Variants in FAM110B observed in about 807,000 individuals in gnomAD.
FAM110B encodes the protein protein FAM110B.
A neutral mutation model predicts 20.4 loss-of-function variants in FAM110B; 6 were observed. The ratio of observed to expected loss-of-function variants is 0.29; its 90% CI spans 0.16 to 0.58. The LOEUF is 0.58. Ranked by LOEUF, FAM110B falls within the 20% of genes least tolerant of loss-of-function variation. FAM110B has a pLI of 0.90. For synonymous variants in FAM110B, 226 were observed against 214.1 expected, an observed-to-expected ratio of 1.06 and a Z score of -0.49; for missense variants, 434 against 498.2, an observed-to-expected ratio of 0.87 and a Z score of 1.23.
chr8:58,046,166 A>C (rs1805316069), intron 2 of FAM110B, among the ~76,000 whole-genome samples: 1 of 152,250 alleles, frequency 6.6e-6, no homozygotes, highest in Non-Finnish European at 1.5e-5. Context: ...GTAACATAAA[A>C]TATGATATTC....
intron 1 of FAM110B, among the ~76,000 whole-genome samples, chr8:57,997,307 GT>G (rs1273016554): frequency 1.3e-5 from 2 of 152,140 alleles, no homozygotes; most frequent in African/African-American, 4.8e-5. Context: ...AATACAGTTT[GT>G]TTTTAAATTT....
chr8:58,030,469 C>A (rs1804940693), intron 1 of FAM110B, among the ~76,000 whole-genome samples: 1 of 152,292 alleles, frequency 6.6e-6, no homozygotes, highest in Admixed American at 6.5e-5. Context: ...TCAGGATTTA[C>A]AGCCTTCCTA....
intron 1 of FAM110B, among the ~76,000 whole-genome samples, chr8:58,030,242 G>A (rs1346861821): frequency 6.6e-6 from 1 of 152,012 alleles, no homozygotes; most frequent in Non-Finnish European, 1.5e-5. Context: ...AGGTATTAAA[G>A]CAATAAAAAG....
At chr8:58,138,072 C>T (rs555416737) in intron 3 of FAM110B, among the ~76,000 whole-genome samples, 2 of 152,376 alleles carry the variant, frequency 1.3e-5, no homozygotes, top group African/African-American at 4.8e-5. Flanking sequence ...TGGGCAGACC[C>T]TGCATTGCGT....
At chr8:58,108,256 G>C (rs1310489748) in intron 3 of FAM110B, among the ~76,000 whole-genome samples, 11 of 152,316 alleles carry the variant, frequency 7.2e-5, no homozygotes, top group African/African-American at 2.4e-4. Context: ...CAAAAATGTT[G>C]ATTTTGAAGA....
In FAM110B at chr8:58,125,802, A is replaced by ATC. The variant is rs1219038297; in HGVS notation, c.-324-20101_-324-20100dup. Among the ~76,000 whole-genome samples the ATC allele has an allele frequency of 1.5e-3, 226 of 152,220 alleles. 1 individual carries two copies. Among genetic ancestry groups the ATC allele is most frequent in the African/African-American group, 5.2e-3 (218 of 41,534 alleles). On this transcript the variant is annotated intron_variant, in intron 3 of 3. Transcript: ENST00000519262. ...CCTTTATTTGGGAAGCAGATTATGGATCTCTGTCTCTTCCCCCAGCTGTTT... is the reference window on the plus strand; with the variant it reads ...CCTTTATTTGGGAAGCAGATTATGGATCTCTCTGTCTCTTCCCCCAGCTGTTT...
At chr8:58,075,296 T>TGTGTGTGTGTGTGTGTGTGTG (rs1286749297) in intron 2 of FAM110B, among the ~76,000 whole-genome samples, 1 of 150,460 alleles carries the variant, frequency 6.6e-6, no homozygotes, top group Admixed American at 6.6e-5. Context: ...TGTGTGTGTG[T>TGTGTGTGTGTGTGTGTGTGTG]TTTGTAGATA....
chr8:58,031,483 CTAGT>C (rs1409905521), intron 1 of FAM110B, 119 bp from the exon 2 acceptor site: 1 of 152,152 alleles, frequency 6.6e-6, no homozygotes, highest in Non-Finnish European at 1.5e-5. Flanking sequence ...GGCTTTGAAC[CTAGT>C]TTATCCTTAG....
At chr8:58,053,205 A>G (rs1449043826) in intron 2 of FAM110B, among the ~76,000 whole-genome samples, 2 of 152,210 alleles carry the variant, frequency 1.3e-5, no homozygotes, top group African/African-American at 2.4e-5. Context: ...GAGAGAGTCT[A>G]CAAGAGACCA....
At position 58,109,810 on chromosome 8, in the gene FAM110B, C is replaced by T. The variant is rs555532805; in HGVS notation, c.-325+34187C>T. ...CCTCCCAAAATTGTCCACCCTTAGA[C>T]TAAACAACATCCTGCTGCCTTCCCA... is the stretch of plus-strand genomic sequence containing the variant. On this transcript the variant is annotated intron_variant, in intron 3 of 3. Coordinates refer to ENST00000519262, the MANE Select transcript of FAM110B (RefSeq NM_001377989.1). 1.2e-3 allele frequency among the ~76,000 whole-genome samples: 188 copies of T among 152,340 alleles called. 2 individuals carry two copies. Among genetic ancestry groups the T allele is most frequent in the Non-Finnish European group, 2.5e-3 (169 of 68,024 alleles).
rs35082607 is a variant in FAM110B, at chr8:58,100,252, GAA to G, written c.-325+24642_-325+24643del. 1.5e-3 allele frequency among the ~76,000 whole-genome samples: 213 copies of G among 139,474 alleles called. 2 individuals are homozygous for G. Among genetic ancestry groups the G allele is most frequent in the African/African-American group, 5.1e-3 (201 of 39,088 alleles). The allele number at this position is 139,474 out of a possible 152,430, so 91.5% of individuals were successfully genotyped here. The stretch of plus-strand genomic sequence containing the variant: ...TAATCTGGTGCTTCCTTTAGATTTT[GAA>G]AAAAAAAAAAAAGTCATGGACTCAG... On this transcript the variant is annotated intron_variant, in intron 3 of 3. Transcript: ENST00000519262.
intron 3 of FAM110B, among the ~76,000 whole-genome samples, chr8:58,084,670 G>A (rs1806287150): frequency 6.6e-6 from 1 of 152,132 alleles, no homozygotes; most frequent in Admixed American, 6.5e-5. Context: ...TTATAGGCAT[G>A]AGCCACCGTG....
chr8:58,027,750 T>C (rs1804881052), intron 1 of FAM110B, among the ~76,000 whole-genome samples: 1 of 152,240 alleles, frequency 6.6e-6, no homozygotes, highest in African/African-American at 2.4e-5. Flanking sequence ...TTGAAATTGC[T>C]TTACGTTGTT....
intron 3 of FAM110B, among the ~76,000 whole-genome samples, chr8:58,108,128 C>T (rs977792820): frequency 1.3e-5 from 2 of 152,116 alleles, no homozygotes; most frequent in African/African-American, 4.8e-5. Flanking sequence ...TGTTCATCAG[C>T]TTTACAGAGA....
intron 2 of FAM110B, among the ~76,000 whole-genome samples, chr8:58,037,511 G>T (rs1264230626): frequency 6.6e-6 from 1 of 151,694 alleles, no homozygotes; most frequent in Non-Finnish European, 1.5e-5. Flanking sequence ...TGTGGTGCAC[G>T]CCTATAACCC....
At chr8:57,996,159 C>T (rs1266555184) in intron 1 of FAM110B, among the ~76,000 whole-genome samples, 1 of 152,176 alleles carries the variant, frequency 6.6e-6, no homozygotes, top group Non-Finnish European at 1.5e-5. Context: ...TAGAATCCTT[C>T]ACTGATAACA....
intron 3 of FAM110B, among the ~76,000 whole-genome samples, chr8:58,078,262 T>A (rs1806086141): frequency 6.6e-6 from 1 of 152,212 alleles, no homozygotes; most frequent in Non-Finnish European, 1.5e-5. Flanking sequence ...GCAAATGAAG[T>A]CATGAAATAA....
chr8:58,003,212 G>A (rs945078168), intron 1 of FAM110B, among the ~76,000 whole-genome samples: 1 of 152,122 alleles, frequency 6.6e-6, no homozygotes, highest in Non-Finnish European at 1.5e-5. Context: ...TTTATCATGA[G>A]ATTGCAGCAA....
chr8:58,022,049 C>T (rs1454553653), intron 1 of FAM110B, among the ~76,000 whole-genome samples: 3 of 152,144 alleles, frequency 2.0e-5, no homozygotes, highest in Non-Finnish European at 1.5e-5. Context: ...TTCTGGGGTG[C>T]TGTTGGTGCT....
Sources: gnomAD v4.1 joint callset for allele counts (sites outside exome capture counted in the v4.1 genomes callset) on GRCh38, gnomAD v4.1.1 for gene constraint, MANE v1.5 for transcripts, NCBI Gene and HGNC (gene_info 2026-07-23, HGNC 2026-07-21) for gene names.